Variants in VTA1 observed in about 807,000 individuals in gnomAD.
VTA1 encodes the protein vesicle trafficking 1.
Under a neutral mutation model 36.9 loss-of-function variants are expected in VTA1, and 24 were observed. The ratio of observed to expected loss-of-function variants is 0.65; its 90% CI spans 0.47 to 0.91. VTA1 has a LOEUF of 0.91. VTA1 is among the 40% of genes least tolerant of loss of function. VTA1 has a pLI of 0.00. For missense variants in VTA1, 393 were observed against 377.2 expected, an observed-to-expected ratio of 1.04 and a Z score of -0.35; for synonymous variants, 142 against 130.2, an observed-to-expected ratio of 1.09 and a Z score of -0.62.
At chr6:142,173,941 C>G (rs979387174) in intron 4 of VTA1, among the ~76,000 whole-genome samples, 1 of 152,034 alleles carries the variant, frequency 6.6e-6, no homozygotes, top group African/African-American at 2.4e-5. Flanking sequence ...TTTTTTTACC[C>G]CCTATCTCAC....
chr6:142,212,329 C>T (rs1400071503), intron 7 of VTA1, among the ~76,000 whole-genome samples: 1 of 152,140 alleles, frequency 6.6e-6, no homozygotes, highest in African/African-American at 2.4e-5. Flanking sequence ...GGATATTATT[C>T]AGTGCTAGAA....
chr6:142,157,672 T>C (rs1037803399), intron 1 of VTA1, among the ~76,000 whole-genome samples: 2 of 152,142 alleles, frequency 1.3e-5, no homozygotes, highest in African/African-American at 2.4e-5. Context: ...ATGACAATTA[T>C]ATTTGGTTGT....
chr6:142,168,500 G>A (rs1774963852), intron 2 of VTA1, among the ~76,000 whole-genome samples: 1 of 151,758 alleles, frequency 6.6e-6, no homozygotes, highest in South Asian at 2.1e-4. Flanking sequence ...TGATACTCCA[G>A]AGAGTTATTT....
chr6:142,185,761 A>T (rs1775328789), intron 4 of VTA1, among the ~76,000 whole-genome samples: 1 of 152,232 alleles, frequency 6.6e-6, no homozygotes, highest in Admixed American at 6.5e-5. Context: ...CATAAACGTA[A>T]CAGAACTTCC....
chr6:142,218,651 G>A lies in VTA1; in HGVS notation c.*8G>A. The A allele has an allele frequency of 6.2e-7, 1 of 1,603,914 alleles. No individual in the cohort carries two copies. The highest frequency in any genetic ancestry group is 8.5e-7 in the Non-Finnish European group (1 of 1,176,716). On this transcript the variant is annotated 3_prime_UTR_variant, in exon 8 of 8. Transcript: ENST00000367630. The stretch of plus-strand genomic sequence containing the variant: ...ACGACAGGCAGAGAATGAAGCCTTT[G>A]TATGACAGACCCATGTATTTTTGGC...
chr6:142,167,107 AT>A (rs1774931323), intron 2 of VTA1, among the ~76,000 whole-genome samples: 1 of 152,184 alleles, frequency 6.6e-6, no homozygotes, highest in South Asian at 2.1e-4. Context: ...AGATATTCTT[AT>A]GGTTTAGGCA....
intron 4 of VTA1, among the ~76,000 whole-genome samples, chr6:142,175,481 T>C (rs1014118204): frequency 6.6e-6 from 1 of 152,130 alleles, no homozygotes; most frequent in Non-Finnish European, 1.5e-5. Flanking sequence ...TACATGAATT[T>C]CTCCATTCTC....
rs972432597 is a variant in VTA1, at chr6:142,161,085, C to CTT, written c.113-5143_113-5142insTT. Among the ~76,000 whole-genome samples the CTT allele has an allele frequency of 2.1e-5, 3 of 141,170 alleles. 1 individual carries two copies. The highest frequency in any genetic ancestry group is 4.5e-4 in the East Asian group (2 of 4,414). 92.6% of individuals were successfully genotyped at this position (141,170 alleles called of 152,430 possible). A position where few individuals can be genotyped will look rare whatever the true frequency, so the allele number is the denominator to read the frequency against. On this transcript the variant is annotated intron_variant, in intron 1 of 7. Transcript: ENST00000367630. ...CATTCATGCTTCCTTCCTTCCCCCC[C>CTT]CCCCCTTTTTTTGGGTCAAATAGTG...
intron 4 of VTA1, among the ~76,000 whole-genome samples, chr6:142,180,877 A>T (rs991735287): frequency 1.3e-5 from 2 of 151,656 alleles, no homozygotes; most frequent in African/African-American, 2.4e-5. Context: ...AACACTAATC[A>T]TGCTCCTTAG....
chr6:142,216,717 CAG>C (rs1427756967), intron 7 of VTA1, among the ~76,000 whole-genome samples: 1 of 152,018 alleles, frequency 6.6e-6, no homozygotes, highest in African/African-American at 2.4e-5. Flanking sequence ...AAAATAGTAA[CAG>C]AGTTCTTGCC....
chr6:142,190,408 A>G (rs73574222), intron 5 of VTA1, among the ~76,000 whole-genome samples: 1,703 of 152,272 alleles, frequency 0.011, 36 homozygotes, highest in African/African-American at 0.039. Context: ...ACAACTGGTA[A>G]TATACATACT....
In VTA1 at chr6:142,203,987, G is replaced by A. The variant is rs764158101; in HGVS notation, c.700G>A (p.Val234Ile). 6.2e-7 allele frequency: 1 copy of A among 1,613,034 alleles called. No homozygotes were observed. Among genetic ancestry groups the A allele is most frequent in the East Asian group, 2.2e-5 (1 of 44,780 alleles). Residue 234 changes from valine to isoleucine, a missense_variant and splice_region_variant, in exon 7 of 8, where the codon GTA becomes ATA. Val to Ile is a conservative substitution (Grantham distance 29, BLOSUM62 3). Coordinates refer to ENST00000367630, the MANE Select transcript of VTA1 (RefSeq NM_016485.5). Reference sequence around the variant, plus strand: ...ATTTTTGCTTTTCTGATTTGCAGGTGTAGCAAGTAATACTATCCAACCTAC... The same window carrying A: ...ATTTTTGCTTTTCTGATTTGCAGGTATAGCAAGTAATACTATCCAACCTAC... ...TPAEVPHSTG[V>I]ASNTIQPTPQ...
At chr6:142,185,577 A>C (rs1775323959) in intron 4 of VTA1, among the ~76,000 whole-genome samples, 1 of 152,226 alleles carries the variant, frequency 6.6e-6, no homozygotes. Flanking sequence ...TAGCCCTTCA[A>C]TTCTAATTGC....
intron 7 of VTA1, among the ~76,000 whole-genome samples, chr6:142,204,335 T>TGGA (rs1775745938): frequency 6.6e-6 from 1 of 152,194 alleles, no homozygotes; most frequent in Non-Finnish European, 1.5e-5. Context: ...AGAACAAACA[T>TGGA]GGAGCCAAGG....
chr6:142,199,399 A>G lies in VTA1; in HGVS notation c.697+784A>G, dbSNP rs567538262. Among the ~76,000 whole-genome samples, 5 of 152,254 alleles carry G rather than the reference A, an allele frequency of 3.3e-5. No individual in the cohort carries two copies. In the South Asian group the frequency reaches 1.0e-3, roughly 31 times the overall value. On this transcript the variant is annotated intron_variant, in intron 6 of 7. Transcript: ENST00000367630. The stretch of plus-strand genomic sequence containing the variant: ...TTTAAATTTTACATTTAATTTTTTC[A>G]AAAACTTTTCTTAAAAATTTACTTT...
In VTA1 at chr6:142,221,016, C is replaced by T. The variant is rs2114695467; in HGVS notation, c.*2373C>T. On this transcript the variant is annotated 3_prime_UTR_variant, in exon 8 of 8. Coordinates refer to ENST00000367630, the MANE Select transcript of VTA1 (RefSeq NM_016485.5). ...CCCACCTGTCCTACCCAATCAGAAA[C>T]TCTAGGGATGGGTCCCAGCCTTCTG... 1 of 152,270 alleles carries T rather than the reference C, an allele frequency of 6.6e-6. No homozygotes were observed. Among genetic ancestry groups the T allele is most frequent in the South Asian group, 2.1e-4 (1 of 4,820 alleles). 9.4% of individuals were successfully genotyped at this position (152,270 alleles called of 1,614,324 possible).
chr6:142,167,362 C>T (rs1181420088), intron 2 of VTA1, among the ~76,000 whole-genome samples: 1 of 152,140 alleles, frequency 6.6e-6, no homozygotes, highest in East Asian at 1.9e-4. Flanking sequence ...CTCATTAATT[C>T]ATCTCCTCCA....
chr6:142,210,621 C>G (rs1216845267), intron 7 of VTA1, among the ~76,000 whole-genome samples: 1 of 152,032 alleles, frequency 6.6e-6, no homozygotes, highest in East Asian at 1.9e-4. Context: ...GGCAAAAGAT[C>G]TAACATTTCG....
At chr6:142,161,722 G>T (rs138986549) in intron 1 of VTA1, among the ~76,000 whole-genome samples, 1 of 151,936 alleles carries the variant, frequency 6.6e-6, no homozygotes, top group Non-Finnish European at 1.5e-5. Context: ...ATTTTTCATC[G>T]TATTGCTGCT....
Sources: allele counts gnomAD v4.1 joint callset (sites outside exome capture counted in the v4.1 genomes callset), GRCh38; gene constraint gnomAD v4.1.1; transcripts MANE v1.5; gene names NCBI Gene and HGNC (gene_info 2026-07-23, HGNC 2026-07-21).